The following SNX7 variants were observed in gnomAD, a reference collection of about 807,000 sequenced individuals.
SNX7 encodes sorting nexin-7.
In SNX7, 35 loss-of-function variants were observed where a neutral mutation model predicts 48.4. That is an observed-to-expected ratio of 0.72 (90% CI 0.55 to 0.96). The LOEUF is 0.96. Ranked by LOEUF, SNX7 falls within the 40% of genes least tolerant of loss-of-function variation. The probability of loss-of-function intolerance (pLI) is 0.00; values close to 1 mark genes in which losing one functional copy is unlikely to be tolerated. For synonymous variants in SNX7, 190 were observed against 190.2 expected, an observed-to-expected ratio of 1.00 and a Z score of 0.01; for missense variants, 553 against 548.9, an observed-to-expected ratio of 1.01 and a Z score of -0.07.
rs116791474 is a variant in SNX7 at position 98,686,074 on chromosome 1, C to T, written c.363+1007C>T. ...AGGGGATCTCTTGCTCTCAAAACTG[C>T]ATATAGTTTTCCTTCTGTTTGCTGT... is the stretch of plus-strand genomic sequence containing the variant. On this transcript the variant is annotated intron_variant, in intron 2 of 8. Coordinates refer to ENST00000306121, the MANE Select transcript of SNX7 (RefSeq NM_015976.5). Among the ~76,000 whole-genome samples the T allele has an allele frequency of 6.1e-3, 936 of 152,218 alleles. 13 individuals are homozygous for T. Among genetic ancestry groups the T allele is most frequent in the African/African-American group, 0.022 (903 of 41,558 alleles).
chr1:98,673,675 C>T (rs1650001406), intron 1 of SNX7, among the ~76,000 whole-genome samples: 2 of 152,154 alleles, frequency 1.3e-5, no homozygotes, highest in Admixed American at 1.3e-4. Context: ...GAGTGCTTTT[C>T]ATGTGCACAT....
In SNX7 at chr1:98,691,669, C is replaced by T; in HGVS notation, c.609C>T (p.Asp203=). 6.2e-7 allele frequency: 1 copy of T among 1,606,462 alleles called. No homozygotes were observed. Among genetic ancestry groups the T allele is most frequent in the South Asian group, 1.1e-5 (1 of 89,850 alleles). Residue 203 remains aspartate (D), a synonymous_variant, in exon 4 of 9, where the codon GAC becomes GAT. Transcript: ENST00000306121. ...ATCCAACTTTAACATTTAATGAAGA[C>T]TTCAAAATTTTTCTCACTGCACAAG... ...ADHPTLTFNE[D]FKIFLTAQAW...
chr1:98,745,460 C>G (rs1654265486), intron 8 of SNX7, among the ~76,000 whole-genome samples: 1 of 151,986 alleles, frequency 6.6e-6, no homozygotes, highest in Non-Finnish European at 1.5e-5. Flanking sequence ...AACCCTAGAC[C>G]TCAGGAGACA....
In SNX7 at chr1:98,695,706, G is replaced by A. The variant is rs1291151051; in HGVS notation, c.828G>A (p.Lys276=). 1.3e-6 allele frequency: 2 copies of A among 1,544,094 alleles called. No homozygotes were observed. The highest frequency in any genetic ancestry group is 2.7e-5 in the African/African-American group (2 of 73,596). ...ATAAAATATCTCAGAGAATTTATAA[G>A]GAAGAAAGGGGTAAGTAGAATTACT... is the stretch of plus-strand genomic sequence containing the variant. ...LIDKISQRIY[K]EEREYFDEMK... Residue 276 remains lysine (K), a synonymous_variant, in exon 5 of 9, where the codon AAG becomes AAA. Transcript: ENST00000306121.
intron 7 of SNX7, among the ~76,000 whole-genome samples, chr1:98,727,383 T>C (rs1653235095): frequency 1.3e-5 from 2 of 151,876 alleles, no homozygotes; most frequent in African/African-American, 2.4e-5. Flanking sequence ...ACCTCAAAGA[T>C]TAAAGGTAGA....
intron 8 of SNX7, among the ~76,000 whole-genome samples, chr1:98,747,427 C>A (rs10783101): frequency 9.8e-5 from 15 of 152,314 alleles, no homozygotes; most frequent in Non-Finnish European, 1.8e-4. Context: ...TAGGAGGTTT[C>A]ACTTGTTGAA....
chr1:98,690,600 T>C (rs1651064824), intron 2 of SNX7, among the ~76,000 whole-genome samples: 1 of 152,098 alleles, frequency 6.6e-6, no homozygotes. Context: ...CAGCAATTCA[T>C]TTGAGCAAAT....
Position 98,738,307 on chromosome 1 carries a change from A to T in SNX7, c.1196A>T (p.Glu399Val). ...AATAATGCCCTGAAAGCAGATTGGG[A>T]GAGATGGAAACAAAATATGCAAAAT... is the stretch of plus-strand genomic sequence containing the variant. ...CANNALKADW[E>V]RWKQNMQNDI... The change falls in exon 8 of 9, where the codon GAG becomes GTG. Residue 399 changes from glutamate (E) to valine (V), a missense_variant. Coordinates refer to ENST00000306121, the MANE Select transcript of SNX7 (RefSeq NM_015976.5). 1 of 1,613,638 alleles carries T rather than the reference A, an allele frequency of 6.2e-7. No homozygotes were observed. The highest frequency in any genetic ancestry group is 2.2e-5 in the East Asian group (1 of 44,784).
intron 1 of SNX7, among the ~76,000 whole-genome samples, chr1:98,673,356 G>A (rs549195855): frequency 1.3e-5 from 2 of 152,226 alleles, no homozygotes; most frequent in African/African-American, 4.8e-5. Flanking sequence ...TCCTTCTCAC[G>A]TTACCTCCTC....
intron 7 of SNX7, among the ~76,000 whole-genome samples, chr1:98,721,577 A>G (rs1317013453): frequency 6.6e-6 from 1 of 152,064 alleles, no homozygotes; most frequent in African/African-American, 2.4e-5. Context: ...TTGTAAGTAA[A>G]CTGGGAAAAA....
chr1:98,733,969 T>C (rs1356030214), intron 7 of SNX7, among the ~76,000 whole-genome samples: 2 of 152,134 alleles, frequency 1.3e-5, no homozygotes, highest in South Asian at 4.1e-4. Context: ...CAAAATCCTT[T>C]TCATGCTCAA....
At chr1:98,686,519 C>G (rs1047348599) in intron 2 of SNX7, among the ~76,000 whole-genome samples, 3 of 152,010 alleles carry the variant, frequency 2.0e-5, no homozygotes, top group Non-Finnish European at 4.4e-5. Context: ...AGGAAGGTAA[C>G]TATATTTTAA....
At chr1:98,728,147 G>T (rs1653289138) in intron 7 of SNX7, among the ~76,000 whole-genome samples, 1 of 152,092 alleles carries the variant, frequency 6.6e-6, no homozygotes, top group Non-Finnish European at 1.5e-5. Flanking sequence ...GAAAGGCCAG[G>T]TCACCTACAA....
At chr1:98,755,385 G>A (rs11166108) in intron 8 of SNX7, among the ~76,000 whole-genome samples, 67,388 of 151,812 alleles carry the variant, frequency 0.44, 15,869 homozygotes, top group Non-Finnish European at 0.52. Context: ...CTTGAGAGGG[G>A]TATCAAAATC....
chr1:98,702,981 C>G lies in SNX7; in HGVS notation c.1125+1078C>G, dbSNP rs555994278. ...ACCTGGCCAAGGACTCTGCATCCCC[C>G]CTCCCTGCTTTAATTTTCTCCCTAA... On this transcript the variant is annotated intron_variant, in intron 7 of 8. Coordinates refer to ENST00000306121, the MANE Select transcript of SNX7 (RefSeq NM_015976.5). 9.9e-5 allele frequency among the ~76,000 whole-genome samples: 15 copies of G among 152,216 alleles called. No individual in the cohort carries two copies. In the South Asian group the frequency reaches 1.2e-3, roughly 13 times the overall value.
intron 2 of SNX7, among the ~76,000 whole-genome samples, chr1:98,690,704 A>T (rs1651071507): frequency 6.6e-6 from 1 of 152,112 alleles, no homozygotes; most frequent in Non-Finnish European, 1.5e-5. Flanking sequence ...TCATCTTGAG[A>T]AAAGAAATAT....
intron 8 of SNX7, among the ~76,000 whole-genome samples, chr1:98,745,990 A>G (rs1654291902): frequency 6.6e-6 from 1 of 152,060 alleles, no homozygotes; most frequent in Non-Finnish European, 1.5e-5. Flanking sequence ...TTTGTTGAGC[A>G]ATCAGTTCTT....
At chr1:98,751,773 C>T (rs1255742166) in intron 8 of SNX7, among the ~76,000 whole-genome samples, 9 of 152,102 alleles carry the variant, frequency 5.9e-5, no homozygotes, top group Non-Finnish European at 5.9e-5. Context: ...GTTTTCTTAA[C>T]TGTAAAATGA....
chr1:98,716,732 G>A (rs1652611863), intron 7 of SNX7, among the ~76,000 whole-genome samples: 1 of 151,922 alleles, frequency 6.6e-6, no homozygotes, highest in African/African-American at 2.4e-5. Flanking sequence ...TTTTCCCAAT[G>A]GGTGGGTCTG....
Sources: allele counts gnomAD v4.1 joint callset (sites outside exome capture counted in the v4.1 genomes callset), GRCh38; gene constraint gnomAD v4.1.1; transcripts MANE v1.5; gene names NCBI Gene and HGNC (gene_info 2026-07-23, HGNC 2026-07-21).